Variants in SCN8A observed in about 807,000 individuals in gnomAD.
The protein encoded by SCN8A is sodium voltage-gated channel alpha subunit 8, also known as sodium channel protein type 8 subunit alpha.
In SCN8A, 30 loss-of-function variants were observed where a neutral mutation model predicts 184.1. The observed-to-expected ratio is 0.16, with a 90% CI of 0.12 to 0.22. The LOEUF is 0.22. Among genes scored for constraint, SCN8A ranks in the 10% least tolerant of loss-of-function variants. SCN8A has a pLI of 1.00. For synonymous variants in SCN8A, 852 were observed against 907.0 expected (o/e 0.94, Z 1.09); for missense variants, 1,057 against 2,498.9 (o/e 0.42, Z 12.30).
chr12:51,751,381 C>T lies in SCN8A; in HGVS notation c.2158C>T (p.Pro720Ser). Residue 720 changes from proline to serine, a missense_variant, in exon 14 of 27, where the codon CCG becomes TCG. Physicochemically the swap from Pro to Ser is moderately conservative, Grantham distance 74. Coordinates refer to ENST00000627620, the MANE Select transcript of SCN8A (RefSeq NM_001330260.2). The part of the protein sequence containing the change: ...EELEESQRKC[P>S]PCWYKFANTF... Reference sequence around the variant, plus strand: ...ACTGGAAGAGTCTCAGAGAAAGTGCCCGCCATGCTGGTATAAATTTGCCAA... The same window carrying T: ...ACTGGAAGAGTCTCAGAGAAAGTGCTCGCCATGCTGGTATAAATTTGCCAA... 6.2e-7 allele frequency: 1 copy of T among 1,613,590 alleles called. No individual in the cohort carries two copies. The highest frequency in any genetic ancestry group is 2.2e-5 in the East Asian group (1 of 44,872).
At chr12:51,684,011 G>T (rs538377958) in intron 2 of SCN8A, 163 bp from the exon 3 acceptor site, 1 of 644,888 alleles carries the variant, frequency 1.6e-6, no homozygotes, top group African/African-American at 1.8e-5. Context: ...AGGGAGGGAG[G>T]TGGGGCAAAC....
intron 26 of SCN8A, among the ~76,000 whole-genome samples, chr12:51,805,893 A>G (rs773948077): frequency 3.3e-5 from 5 of 152,024 alleles, no homozygotes; most frequent in Non-Finnish European, 7.3e-5. Context: ...CAGTGGCACG[A>G]TCTCGGCTTA....
chr12:51,699,679 G>C lies in SCN8A; in HGVS notation c.816G>C (p.Leu272=). The C allele has an allele frequency of 6.2e-7, 1 of 1,614,040 alleles. No individual in the cohort carries two copies. Among genetic ancestry groups the C allele is most frequent in the Non-Finnish European group, 8.5e-7 (1 of 1,179,960 alleles). Reference sequence around the variant, plus strand: ...TTTTTGCCTTGATCGGACTGCAGCTGTTCATGGGGAACCTTCGAAACAAGT... The same window carrying C: ...TTTTTGCCTTGATCGGACTGCAGCTCTTCATGGGGAACCTTCGAAACAAGT... ...LSVFALIGLQ[L]FMGNLRNKCV... The change falls in exon 7 of 27, where the codon CTG becomes CTC. Residue 272 remains leucine (L), a synonymous_variant. Coordinates refer to ENST00000627620, the MANE Select transcript of SCN8A (RefSeq NM_001330260.2).
At chr12:51,650,856 C>T (rs1172346763) in intron 1 of SCN8A, among the ~76,000 whole-genome samples, 1 of 152,172 alleles carries the variant, frequency 6.6e-6, no homozygotes, top group Non-Finnish European at 1.5e-5. Flanking sequence ...AATCAGGGGT[C>T]TCATAGCCTT....
At chr12:51,719,776 T>A (rs946462418) in intron 11 of SCN8A, among the ~76,000 whole-genome samples, 3 of 150,222 alleles carry the variant, frequency 2.0e-5, no homozygotes, top group Non-Finnish European at 4.4e-5. Context: ...TAAGAAAAAA[T>A]TTATGCTAAA....
rs749156537 is a variant in SCN8A, at chr12:51,770,689, G to A, written c.3645+6G>A. The A allele has an allele frequency of 1.2e-6, 2 of 1,613,288 alleles. No homozygotes were observed. The highest frequency in any genetic ancestry group is 1.3e-5 in the African/African-American group (1 of 74,918). On this transcript the variant is annotated splice_donor_region_variant and intron_variant, in intron 19 of 26. Transcript: ENST00000627620. ...TGCTGAGCAGTGGCGCCCTGGTGAGGTCCAGGGGAGAGTGTGAGGAGGGAT... is the reference window on the plus strand; with the variant it reads ...TGCTGAGCAGTGGCGCCCTGGTGAGATCCAGGGGAGAGTGTGAGGAGGGAT...
At chr12:51,665,987 G>A (rs765226508) in intron 2 of SCN8A, among the ~76,000 whole-genome samples, 9 of 152,222 alleles carry the variant, frequency 5.9e-5, no homozygotes, top group African/African-American at 1.7e-4. Flanking sequence ...ACTTGAACCC[G>A]GGAGGTGGAG....
chr12:51,734,454 T>C (rs948286044), intron 12 of SCN8A, among the ~76,000 whole-genome samples: 1 of 152,214 alleles, frequency 6.6e-6, no homozygotes, highest in African/African-American at 2.4e-5. Context: ...AAGGAATAGG[T>C]TGGGCTAGTT....
chr12:51,794,352 T>C lies in SCN8A; in HGVS notation c.4525-19T>C. ...AGGTTTTCATGAATCTTTTATCTTTTCCTTCCCTTCCTCCCCAGAACAAAA... is the reference window on the plus strand; with the variant it reads ...AGGTTTTCATGAATCTTTTATCTTTCCCTTCCCTTCCTCCCCAGAACAAAA... On this transcript the variant is annotated intron_variant, in intron 25 of 26. Coordinates refer to ENST00000627620, the MANE Select transcript of SCN8A (RefSeq NM_001330260.2). 1.3e-6 allele frequency: 2 copies of C among 1,597,808 alleles called. No homozygotes were observed. Among genetic ancestry groups the C allele is most frequent in the Non-Finnish European group, 1.7e-6 (2 of 1,170,746 alleles).
At position 51,721,751 on chromosome 12, in the gene SCN8A, A is replaced by G; in HGVS notation, c.1841A>G (p.Tyr614Cys). Reference protein sequence around the residue: ...PIRARERRSSYSGYSGYSQGS... With the variant: ...PIRARERRSSCSGYSGYSQGS... The stretch of plus-strand genomic sequence containing the variant: ...CGGGCCCGCGAGCGCCGGAGCAGCT[A>G]CAGCGGCTACAGCGGCTACAGCCAG... Residue 614 changes from tyrosine to cysteine, a missense_variant, in exon 12 of 27, where the codon TAC (tyrosine) becomes TGC (cysteine). Coordinates refer to ENST00000627620, the MANE Select transcript of SCN8A (RefSeq NM_001330260.2). 6.2e-7 allele frequency: 1 copy of G among 1,606,814 alleles called. No homozygotes were observed.
chr12:51,796,167 TAATA>T (rs1938401820), intron 26 of SCN8A, among the ~76,000 whole-genome samples: 1 of 152,168 alleles, frequency 6.6e-6, no homozygotes, highest in Non-Finnish European at 1.5e-5. Context: ...CCAGGTACCA[TAATA>T]AGTGCTTTAA....
At chr12:51,709,233 A>G (rs1254083304) in intron 11 of SCN8A, among the ~76,000 whole-genome samples, 1 of 152,226 alleles carries the variant, frequency 6.6e-6, no homozygotes, top group Non-Finnish European at 1.5e-5. Context: ...AACCAAGTAC[A>G]GATTTTTTTA....
chr12:51,809,187 G>GT lies in SCN8A; in HGVS notation c.*1763dup, dbSNP rs1389550254. Reference sequence around the variant, plus strand: ...TCCATCTCCTGCTTTAGGAAAGACAGTTTTTAGTCCAGGGGTTTCTCACCT... The same window carrying GT: ...TCCATCTCCTGCTTTAGGAAAGACAGTTTTTTAGTCCAGGGGTTTCTCACCT... On this transcript the variant is annotated 3_prime_UTR_variant, in exon 27 of 27. Coordinates refer to ENST00000627620, the MANE Select transcript of SCN8A (RefSeq NM_001330260.2). 2 of 152,152 alleles carry GT rather than the reference G, an allele frequency of 1.3e-5. No individual in the cohort carries two copies. The highest frequency in any genetic ancestry group is 2.4e-5 in the African/African-American group (1 of 41,428). 9.4% of individuals were successfully genotyped at this position (152,152 alleles called of 1,614,324 possible).
At chr12:51,765,033 C>T (rs1462249277) in intron 15 of SCN8A, among the ~76,000 whole-genome samples, 3 of 152,066 alleles carry the variant, frequency 2.0e-5, no homozygotes, top group African/African-American at 4.8e-5. Flanking sequence ...ACCTCAGCCT[C>T]CCAAATGCTA....
At chr12:51,688,584 ATTC>A (rs771742595) in intron 5 of SCN8A, among the ~76,000 whole-genome samples, 2 of 152,192 alleles carry the variant, frequency 1.3e-5, no homozygotes, top group Non-Finnish European at 2.9e-5. Flanking sequence ...ATACTTTTGA[ATTC>A]TTCTTGTCCA....
At chr12:51,772,725 A>G (rs1162065720) in intron 19 of SCN8A, among the ~76,000 whole-genome samples, 1 of 148,808 alleles carries the variant, frequency 6.7e-6, no homozygotes, top group Non-Finnish European at 1.5e-5. Context: ...TCACACCTGT[A>G]ATCCCAGCAC....
chr12:51,736,440 T>A (rs1592135215), intron 12 of SCN8A, among the ~76,000 whole-genome samples: 1 of 152,306 alleles, frequency 6.6e-6, no homozygotes. Context: ...GAGGGTTAAC[T>A]CCTCCTGTAA....
At chr12:51,775,905 C>T (rs1937677976) in intron 20 of SCN8A, among the ~76,000 whole-genome samples, 1 of 152,170 alleles carries the variant, frequency 6.6e-6, no homozygotes, top group South Asian at 2.1e-4. Flanking sequence ...GGGTGAGCTA[C>T]CCAGAATTTG....
At chr12:51,660,944 T>A (rs1445860406) in intron 1 of SCN8A, among the ~76,000 whole-genome samples, 2 of 151,900 alleles carry the variant, frequency 1.3e-5, no homozygotes, top group East Asian at 1.9e-4. Flanking sequence ...GAAAAGGAAT[T>A]TTAGGTTGGG....
Sources: allele counts gnomAD v4.1 joint callset (sites outside exome capture counted in the v4.1 genomes callset), GRCh38; gene constraint gnomAD v4.1.1; transcripts MANE v1.5; gene names NCBI Gene and HGNC (gene_info 2026-07-23, HGNC 2026-07-21).